TRPC3: variants seen among roughly 807,000 people sequenced by gnomAD.
TRPC3 encodes transient receptor potential cation channel subfamily C member 3.
Under a neutral mutation model 90.9 loss-of-function variants are expected in TRPC3, and 54 were observed. The ratio of observed to expected loss-of-function variants is 0.59; its 90% CI spans 0.48 to 0.75. The LOEUF (loss-of-function observed/expected upper bound fraction) is 0.75, where lower values mean the gene tolerates loss of function less well. TRPC3 is among the 30% of genes least tolerant of loss of function. The pLI, the probability that TRPC3 is intolerant of heterozygous loss-of-function variation, is 0.00. For synonymous variants in TRPC3, 424 were observed against 450.9 expected, an observed-to-expected ratio of 0.94 and a Z score of 0.75; for missense variants, 918 against 1,194.5, an observed-to-expected ratio of 0.77 and a Z score of 3.41.
At position 121,951,731 on chromosome 4, in the gene TRPC3, C is replaced by G; in HGVS notation, c.-51G>C. 7.8e-7 allele frequency: 1 copy of G among 1,279,422 alleles called. No individual in the cohort carries two copies. Among genetic ancestry groups the G allele is most frequent in the Non-Finnish European group, 1.0e-6 (1 of 999,952 alleles). 79.3% of individuals were successfully genotyped at this position (1,279,422 alleles called of 1,614,324 possible). A position where few individuals can be genotyped will look rare whatever the true frequency, so the allele number is the denominator to read the frequency against. On this transcript the variant is annotated 5_prime_UTR_variant, in exon 1 of 12. Coordinates refer to ENST00000379645, the MANE Select transcript of TRPC3 (RefSeq NM_001130698.2). This position sits in a 1 kb window ranked among gnomAD's most constrained non-coding sequence, Gnocchi z 4.4. ...GGGTGCCGGCTGCCGGCCTCCTCCG[C>G]CTTCGCGGCAGTGCAGTCTTCCCGC...
Position 121,951,681 on chromosome 4 carries a change from C to G in TRPC3, c.-1G>C. ...TGCACTTCCTGACCTTGGTGGACATCGCGCCGGCTGCGGTCCGAGTGTGGG... is the reference window on the plus strand; with the variant it reads ...TGCACTTCCTGACCTTGGTGGACATGGCGCCGGCTGCGGTCCGAGTGTGGG... On this transcript the variant is annotated 5_prime_UTR_variant, in exon 1 of 12. Transcript: ENST00000379645. The surrounding 1 kb of genome is among the most constrained non-coding windows in gnomAD (Gnocchi z 4.4). The G allele has an allele frequency of 3.8e-6, 5 of 1,321,600 alleles. No homozygotes were observed. The highest frequency in any genetic ancestry group is 4.9e-6 in the Non-Finnish European group (5 of 1,026,074). The allele number at this position is 1,321,600 out of a possible 1,614,324, so 81.9% of individuals were successfully genotyped here.
intron 3 of TRPC3, among the ~76,000 whole-genome samples, chr4:121,922,590 C>A (rs1365483997): frequency 6.6e-6 from 1 of 152,222 alleles, no homozygotes; most frequent in Non-Finnish European, 1.5e-5. Context: ...GACATAAACT[C>A]TGCAAGGCAG....
At chr4:121,939,534 A>G (rs1435483360) in intron 1 of TRPC3, among the ~76,000 whole-genome samples, 1 of 152,238 alleles carries the variant, frequency 6.6e-6, no homozygotes, top group Non-Finnish European at 1.5e-5. Flanking sequence ...TGTGGATTCA[A>G]TAAGGTGAGG....
intron 7 of TRPC3, among the ~76,000 whole-genome samples, chr4:121,905,140 C>T (rs1463708972): frequency 6.6e-6 from 1 of 151,780 alleles, no homozygotes; most frequent in African/African-American, 2.4e-5. Context: ...TAAGATATAG[C>T]AAGTGTGAAA....
At chr4:121,929,177 AAC>A (rs1729812192) in intron 2 of TRPC3, among the ~76,000 whole-genome samples, 1 of 152,244 alleles carries the variant, frequency 6.6e-6, no homozygotes, top group Non-Finnish European at 1.5e-5. Flanking sequence ...ATCTAGGCTT[AAC>A]ATATGAAATG....
rs1309387876 is a variant in TRPC3 at position 121,951,544 on chromosome 4, C to T, written c.137G>A (p.Gly46Glu). 7.0e-7 allele frequency: 1 copy of T among 1,422,570 alleles called. No individual in the cohort carries two copies. The allele number at this position is 1,422,570 out of a possible 1,614,324, so 88.1% of individuals were successfully genotyped here. A position where few individuals can be genotyped will look rare whatever the true frequency, so the allele number is the denominator to read the frequency against. The change falls in exon 1 of 12, where the codon GGG (glycine) becomes GAG (glutamate). Residue 46 changes from glycine to glutamate, a missense_variant. This residue lies in a region of TRPC3 where 609 missense variants were observed against 725.9 expected (regional missense o/e 0.84). Coordinates refer to ENST00000379645, the MANE Select transcript of TRPC3 (RefSeq NM_001130698.2). The surrounding 1 kb of genome is among the most constrained non-coding windows in gnomAD (Gnocchi z 4.4). Reference sequence around the variant, plus strand: ...CGAGGGCGCCGAGCGCGGCTCCAGCCCCCCGTTGACGCCCCTCCAGCCCCG... The same window carrying T: ...CGAGGGCGCCGAGCGCGGCTCCAGCTCCCCGTTGACGCCCCTCCAGCCCCG... ...RRRGWRGVNGGLEPRSAPSQR... is the reference protein window; with the variant it reads ...RRRGWRGVNGELEPRSAPSQR...
At chr4:121,948,469 C>T (rs538228573) in intron 1 of TRPC3, among the ~76,000 whole-genome samples, 7 of 151,752 alleles carry the variant, frequency 4.6e-5, no homozygotes, top group Admixed American at 1.3e-4. Flanking sequence ...CCTAATTTGT[C>T]TCTTCACTTT....
At chr4:121,892,739 A>C (rs1020649479) in intron 10 of TRPC3, among the ~76,000 whole-genome samples, 30 of 152,326 alleles carry the variant, frequency 2.0e-4, no homozygotes, top group African/African-American at 6.7e-4. Flanking sequence ...TAGAAAAGAA[A>C]ACACAACATT....
chr4:121,924,909 G>T, intron 3 of TRPC3, 109 bp downstream of exon 3: 2 of 1,219,818 alleles, frequency 1.6e-6, no homozygotes, highest in South Asian at 1.6e-5. Context: ...ATGTTGCCCA[G>T]CCTACTAGCG....
intron 9 of TRPC3, 57 bp from the exon 10 acceptor site, chr4:121,899,752 A>G: frequency 2.3e-6 from 3 of 1,295,672 alleles, no homozygotes; most frequent in Non-Finnish European, 3.3e-6. Context: ...GGAATAAAAA[A>G]TATAATCCAT....
intron 1 of TRPC3, among the ~76,000 whole-genome samples, chr4:121,940,924 T>A (rs1039750357): frequency 6.6e-6 from 1 of 152,058 alleles, no homozygotes; most frequent in African/African-American, 2.4e-5. Context: ...TAGTATATGT[T>A]CAAAAATACT....
chr4:121,923,726 A>C (rs1363288879), intron 3 of TRPC3, among the ~76,000 whole-genome samples: 2 of 152,228 alleles, frequency 1.3e-5, no homozygotes, highest in Non-Finnish European at 2.9e-5. Flanking sequence ...GTCACACAGG[A>C]GCACATGGTG....
intron 1 of TRPC3, among the ~76,000 whole-genome samples, chr4:121,946,025 T>C (rs781759325): frequency 1.3e-4 from 19 of 151,198 alleles, no homozygotes; most frequent in Non-Finnish European, 2.5e-4. Context: ...GACAAGGAAA[T>C]AGAAAAAACA....
intron 6 of TRPC3, among the ~76,000 whole-genome samples, chr4:121,909,367 G>A (rs189631594): frequency 4.6e-5 from 7 of 152,206 alleles, no homozygotes; most frequent in Admixed American, 6.5e-5. Context: ...CTGTGCCTGA[G>A]TTCCCTTACC....
intron 4 of TRPC3, among the ~76,000 whole-genome samples, chr4:121,912,809 C>T (rs1289247768): frequency 6.6e-6 from 1 of 152,222 alleles, no homozygotes; most frequent in African/African-American, 2.4e-5. Context: ...TTTAAGGTGA[C>T]TCCTTTAAAA....
chr4:121,935,191 T>C (rs1730088801), intron 1 of TRPC3, among the ~76,000 whole-genome samples: 1 of 152,204 alleles, frequency 6.6e-6, no homozygotes, highest in African/African-American at 2.4e-5. Flanking sequence ...ATGTTTTAAA[T>C]TTTTATTTAT....
At chr4:121,893,205 T>C (rs1426922402) in intron 10 of TRPC3, among the ~76,000 whole-genome samples, 1 of 149,434 alleles carries the variant, frequency 6.7e-6, no homozygotes, top group East Asian at 1.9e-4. Context: ...TGTATGTGTG[T>C]GTGCGTGTGT....
At chr4:121,899,741 T>C (rs775730584) in intron 9 of TRPC3, 46 bp from the exon 10 acceptor site, 1 of 1,378,728 alleles carries the variant, frequency 7.3e-7, no homozygotes, top group Non-Finnish European at 1.0e-6. Context: ...TACATTCATT[T>C]GGAATAAAAA....
Position 121,877,835 on chromosome 4 carries a change from G to C in TRPC3, c.*1901C>G, listed in dbSNP as rs956941750. 1.3e-5 allele frequency among the ~76,000 whole-genome samples: 2 copies of C among 150,064 alleles called. No individual in the cohort carries two copies. The highest frequency in any genetic ancestry group is 2.9e-5 in the Non-Finnish European group (2 of 67,848). The stretch of plus-strand genomic sequence containing the variant: ...ATCCACATGGTGTGGATACCATGAG[G>C]CTTATCTTCATACTTCTCTGATCTT... On this transcript the variant is annotated 3_prime_UTR_variant, in exon 12 of 12. Transcript: ENST00000379645.
Sources: allele counts gnomAD v4.1 joint callset (sites outside exome capture counted in the v4.1 genomes callset), GRCh38; gene constraint gnomAD v4.1.1; regional missense constraint gnomAD v4.1.1; non-coding constraint Gnocchi (gnomAD v3.1); transcripts MANE v1.5; gene names NCBI Gene and HGNC (gene_info 2026-07-23, HGNC 2026-07-21).